NAXD: variants seen among roughly 807,000 people sequenced by gnomAD.
NAXD encodes the protein NAD(P)HX dehydratase, also known as ATP-dependent (S)-NAD(P)H-hydrate dehydratase.
NAXD carries 22 observed loss-of-function variants against 35.8 expected under a neutral mutation model. That is an observed-to-expected ratio of 0.62 (90% confidence interval 0.44 to 0.88). The LOEUF is 0.88. Ranked by LOEUF, NAXD falls within the 40% of genes least tolerant of loss-of-function variation. The pLI, the probability that NAXD is intolerant of heterozygous loss-of-function variation, is 0.00. For missense variants in NAXD, 428 were observed against 437.7 expected, an observed-to-expected ratio of 0.98 and a Z score of 0.20; for synonymous variants, 189 against 177.6, an observed-to-expected ratio of 1.06 and a Z score of -0.51.
At chr13:110,636,312 C>T (rs914980868) in intron 8 of NAXD, among the ~76,000 whole-genome samples, 5 of 152,226 alleles carry the variant, frequency 3.3e-5, no homozygotes, top group Admixed American at 1.3e-4. Context: ...CGTCTGTGGG[C>T]GGGTGTGTGC....
At chr13:110,632,300 C>T (rs769915703) in intron 5 of NAXD, among the ~76,000 whole-genome samples, 10 of 152,138 alleles carry the variant, frequency 6.6e-5, no homozygotes, top group Non-Finnish European at 5.9e-5. Flanking sequence ...CAGATCTTCG[C>T]GGTGACTGTT....
chr13:110,615,671 G>A (rs747338445), intron 1 of NAXD, 24 bp downstream of exon 1: 9 of 1,522,394 alleles, frequency 5.9e-6, no homozygotes, highest in African/African-American at 5.7e-5. Context: ...CATTTGGCCC[G>A]GGGATGGTCA....
rs1886375612 is a variant in NAXD, at chr13:110,624,259, G to A, written c.223G>A (p.Ala75Thr). 2 of 1,608,128 alleles carry A rather than the reference G, an allele frequency of 1.2e-6. No individual in the cohort carries two copies. Among genetic ancestry groups the A allele is most frequent in the South Asian group, 1.1e-5 (1 of 90,630 alleles). ...QEYTGAPYFA[A>T]ISALKVGADL... ...GTACACTGGAGCCCCATATTTTGCA[G>A]CAATCTCAGCTCTCAAAGTGGTATG... is the stretch of plus-strand genomic sequence containing the variant. Residue 75 changes from alanine (A) to threonine (T), a missense_variant, in exon 3 of 10, where the codon GCA becomes ACA. By Grantham distance (58) the Ala-to-Thr change is moderately conservative. Transcript: ENST00000680254.
In NAXD at chr13:110,637,159, G is replaced by A. The variant is rs61745623; in HGVS notation, c.749G>A (p.Arg250His). 4.4e-5 allele frequency: 71 copies of A among 1,613,696 alleles called. No homozygotes were observed. The highest frequency in any genetic ancestry group is 2.2e-5 in the East Asian group (1 of 44,894). The part of the protein sequence containing the change: ...VLVCSQEGSS[R>H]RCGGQGDLLS... ...GTGTGCAGCCAGGAAGGCAGCAGCCGCAGGTGTGGAGGGCAAGGGGACCTC... is the reference window on the plus strand; with the variant it reads ...GTGTGCAGCCAGGAAGGCAGCAGCCACAGGTGTGGAGGGCAAGGGGACCTC... Residue 250 changes from arginine (R) to histidine (H), a missense_variant, in exon 9 of 10, where the codon CGC (arginine) becomes CAC (histidine). Transcript: ENST00000680254.
At chr13:110,635,773 G>GC (rs112179784) in intron 8 of NAXD, among the ~76,000 whole-genome samples, 185 bp downstream of exon 8, 7,071 of 152,312 alleles carry the variant, frequency 0.046, 357 homozygotes, top group African/African-American at 0.13. Context: ...TCACTGTTTT[G>GC]CCAGGGGAGG....
chr13:110,638,302 C>T lies in NAXD; in HGVS notation c.840-76C>T. The T allele has an allele frequency of 6.2e-7, 1 of 1,608,416 alleles. No individual in the cohort carries two copies. The highest frequency in any genetic ancestry group is 8.5e-7 in the Non-Finnish European group (1 of 1,177,520). The stretch of plus-strand genomic sequence containing the variant: ...CTGAGATTGAAACAGGAGTCAAAAC[C>T]AGAGCCCAGGGTAGCTGCGGCCCCC... On this transcript the variant is annotated intron_variant, in intron 9 of 9. Coordinates refer to ENST00000680254, the MANE Select transcript of NAXD (RefSeq NM_001242882.2). The surrounding 1 kb of genome is among the most constrained non-coding windows in gnomAD (Gnocchi z 5.4).
chr13:110,615,666 G>A lies in NAXD; in HGVS notation c.46+19G>A, dbSNP rs750609012. ...AGACGAGGTAAGGTCGATTCCATTTGGCCCGGGGATGGTCACACGCGCGGG... is the reference window on the plus strand; with the variant it reads ...AGACGAGGTAAGGTCGATTCCATTTAGCCCGGGGATGGTCACACGCGCGGG... On this transcript the variant is annotated intron_variant, in intron 1 of 9. Coordinates refer to ENST00000680254, the MANE Select transcript of NAXD (RefSeq NM_001242882.2). 6.6e-7 allele frequency: 1 copy of A among 1,519,938 alleles called. No homozygotes were observed. Among genetic ancestry groups the A allele is most frequent in the Non-Finnish European group, 8.8e-7 (1 of 1,139,718 alleles). 94.2% of individuals were successfully genotyped at this position (1,519,938 alleles called of 1,614,324 possible).
chr13:110,630,663 T>C (rs1886665664), intron 5 of NAXD, among the ~76,000 whole-genome samples: 1 of 152,198 alleles, frequency 6.6e-6, no homozygotes, highest in Admixed American at 6.5e-5. Flanking sequence ...GTTGTTACTT[T>C]AGCTCTGCGG....
At chr13:110,637,536 G>C (rs1886978683) in intron 9 of NAXD, among the ~76,000 whole-genome samples, 1 of 152,180 alleles carries the variant, frequency 6.6e-6, no homozygotes, top group Non-Finnish European at 1.5e-5. Context: ...CGCTGTTCTG[G>C]GAAGTTGAGT....
intron 1 of NAXD, 86 bp downstream of exon 1, chr13:110,615,733 T>G: frequency 6.7e-7 from 1 of 1,500,944 alleles, no homozygotes; most frequent in South Asian, 1.3e-5. Context: ...GTCGCATTGC[T>G]CTCGGCCGCA....
intron 1 of NAXD, among the ~76,000 whole-genome samples, chr13:110,616,675 A>C (rs778176919): frequency 1.3e-5 from 2 of 152,210 alleles, no homozygotes; most frequent in Non-Finnish European, 2.9e-5. Flanking sequence ...TGTATCTAAC[A>C]TATTTTATAC....
At chr13:110,632,901 C>T (rs1420573212) in intron 5 of NAXD, among the ~76,000 whole-genome samples, 2 of 152,088 alleles carry the variant, frequency 1.3e-5, no homozygotes, top group East Asian at 1.9e-4. Context: ...GGTGTGTTTA[C>T]AATCCCTGAG....
chr13:110,636,918 G>A (rs1259712255), intron 8 of NAXD, among the ~76,000 whole-genome samples: 2 of 152,238 alleles, frequency 1.3e-5, no homozygotes, highest in East Asian at 3.9e-4. Flanking sequence ...TCACCACTGC[G>A]TGTCTTGGTT....
intron 5 of NAXD, among the ~76,000 whole-genome samples, chr13:110,633,930 G>A (rs1041959059): frequency 6.6e-5 from 10 of 152,170 alleles, no homozygotes; most frequent in African/African-American, 2.4e-4. Context: ...TCCTGCCTCC[G>A]AATGCTGCGT....
chr13:110,630,060 C>T (rs1410557122), intron 5 of NAXD, among the ~76,000 whole-genome samples: 1 of 152,002 alleles, frequency 6.6e-6, no homozygotes, highest in African/African-American at 2.4e-5. Flanking sequence ...GACATATTCT[C>T]ACTCTGTCAC....
In NAXD at chr13:110,638,411, C is replaced by T; in HGVS notation, c.873C>T (p.Ala291=). Residue 291 remains alanine, a synonymous_variant, in exon 10 of 10, where the codon GCC becomes GCT. Coordinates refer to ENST00000680254, the MANE Select transcript of NAXD (RefSeq NM_001242882.2). The surrounding 1 kb of genome is among the most constrained non-coding windows in gnomAD (Gnocchi z 5.4). ...SSPLLVAAFG[A]CSLTRQCNHQ... is the part of the protein sequence containing the mutation. ...CTCTCCTGGTGGCCGCGTTTGGCGC[C>T]TGCTCTCTCACCAGGCAGTGCAACC... is the stretch of plus-strand genomic sequence containing the variant. The T allele has an allele frequency of 1.2e-6, 2 of 1,613,696 alleles. No individual in the cohort carries two copies. Among genetic ancestry groups the T allele is most frequent in the Non-Finnish European group, 1.7e-6 (2 of 1,180,024 alleles).
intron 5 of NAXD, among the ~76,000 whole-genome samples, chr13:110,634,197 C>T (rs1273128915): frequency 6.6e-6 from 1 of 152,166 alleles, no homozygotes; most frequent in Admixed American, 6.5e-5. Context: ...GCTCAATTTT[C>T]TGTCACTCTT....
Position 110,634,612 on chromosome 13 carries a change from C to A in NAXD, c.492+17C>A, listed in dbSNP as rs377115210. The A allele has an allele frequency of 6.2e-7, 1 of 1,614,166 alleles. No homozygotes were observed. Among genetic ancestry groups the A allele is most frequent in the South Asian group, 1.1e-5 (1 of 91,080 alleles). On this transcript the variant is annotated intron_variant, in intron 6 of 9. Transcript: ENST00000680254. ...ATCGACGCGGTGAGTTGACTTCTCT[C>A]CTCCTGGCTCGGACTCCCGGAAGGC...
rs1180660916 is a variant in NAXD, at chr13:110,639,739, A to T, written c.*1211A>T. On this transcript the variant is annotated 3_prime_UTR_variant, in exon 10 of 10. Transcript: ENST00000680254. ...GCCAAACCCTCCTGGTTCCCTTCAG[A>T]GTCTTTTTGGCCTGATGATGACTCT... is the stretch of plus-strand genomic sequence containing the variant. 1 of 152,072 alleles carries T rather than the reference A, an allele frequency of 6.6e-6. No individual in the cohort carries two copies. Among genetic ancestry groups the T allele is most frequent in the Non-Finnish European group, 1.5e-5 (1 of 68,022 alleles). 9.4% of individuals were successfully genotyped at this position (152,072 alleles called of 1,614,324 possible).
Sources: gnomAD v4.1 joint callset for allele counts (sites outside exome capture counted in the v4.1 genomes callset) on GRCh38, gnomAD v4.1.1 for gene constraint, Gnocchi (gnomAD v3.1) non-coding constraint, MANE v1.5 for transcripts, NCBI Gene and HGNC (gene_info 2026-07-23, HGNC 2026-07-21) for gene names.